Variants in TONSL observed in about 807,000 individuals in gnomAD.
The protein encoded by TONSL is tonsoku like, DNA repair protein.
Under a neutral mutation model 147.1 loss-of-function variants are expected in TONSL, and 112 were observed. That is an observed-to-expected ratio of 0.76 (90% CI 0.65 to 0.89). The LOEUF is 0.89. Among genes scored for constraint, TONSL ranks in the 40% least tolerant of loss-of-function variants. The pLI is 0.00. For missense variants in TONSL, 1,883 were observed against 1,864.6 expected (o/e 1.01, Z -0.18); for synonymous variants, 868 against 801.5 (o/e 1.08, Z -1.40).
rs35913924 is a variant in TONSL, at chr8:144,442,709, G to A, written c.546C>T (p.Asn182=). Residue 182 remains asparagine, a synonymous_variant, in exon 5 of 26, where the codon AAC becomes AAT. Transcript: ENST00000409379. ...GGAAGATGCTCTTCCTGAAGTAATC[G>A]TTGCACAGGGCTGTCTGCTGCAGGC... ...FESLQQTALC[N]DYFRKSIFLA... 3,654 of 1,612,944 alleles carry A rather than the reference G, an allele frequency of 2.3e-3. 71 individuals carry two copies. The African/African-American group carries it at 0.043, about 19-fold the overall frequency.
At chr8:144,430,598 A>T in intron 24 of TONSL, 61 bp from the exon 25 acceptor site, 1 of 1,538,394 alleles carries the variant, frequency 6.5e-7, no homozygotes, top group Non-Finnish European at 8.8e-7. Flanking sequence ...CCCCAACACT[A>T]GGAAAGCTGC....
At chr8:144,443,429 C>G (rs927519604) in intron 3 of TONSL, 108 bp from the exon 4 acceptor site, 16 of 1,144,134 alleles carry the variant, frequency 1.4e-5, no homozygotes, top group African/African-American at 3.1e-5. Context: ...CCTGCTCCCC[C>G]TAACCCCCAC....
rs570770510 is a variant in TONSL, at chr8:144,440,046, G to A, written c.1455C>T (p.Ala485=). ...AATAESEALE[A]GEVELSEGED... is the part of the protein sequence containing the mutation. ...CGCCCTCTGAGAGCTCCACCTCGCC[G>A]GCCTCCAGGGCTTCGCTCTCCGCTG... The change falls in exon 11 of 26, where the codon GCC becomes GCT. Residue 485 remains alanine (A), a synonymous_variant. Coordinates refer to ENST00000409379, the MANE Select transcript of TONSL (RefSeq NM_013432.5). 1.7e-5 allele frequency: 25 copies of A among 1,460,618 alleles called. No individual in the cohort carries two copies. The South Asian group carries it at 2.3e-4, about 13-fold the overall frequency. The allele number at this position is 1,460,618 out of a possible 1,614,324, so 90.5% of individuals were successfully genotyped here.
At position 144,442,416 on chromosome 8, in the gene TONSL, C is replaced by T. The variant is rs1823754427; in HGVS notation, c.579-4G>A. The T allele has an allele frequency of 1.3e-6, 2 of 1,534,872 alleles. No individual in the cohort carries two copies. Among genetic ancestry groups the T allele is most frequent in the East Asian group, 2.3e-5 (1 of 44,076 alleles). On this transcript the variant is annotated splice_region_variant and splice_polypyrimidine_tract_variant and intron_variant, in intron 5 of 25. Transcript: ENST00000409379. ...GTCCTCGTAAAGGTGGTTCTGCCTG[C>T]AGAGGGGTGACGACCACTGAGCACC...
chr8:144,442,595 G>A lies in TONSL; in HGVS notation c.578+82C>T, dbSNP rs576640588. The A allele has an allele frequency of 4.5e-6, 7 of 1,543,534 alleles. No individual in the cohort carries two copies. In the Admixed American group the frequency reaches 1.3e-4, roughly 28 times the overall value. On this transcript the variant is annotated intron_variant, in intron 5 of 25. Coordinates refer to ENST00000409379, the MANE Select transcript of TONSL (RefSeq NM_013432.5). ...CCCAGCCAGACTGCTCTCTCAGGAG[G>A]ACTCTGGGAAAAATACTCCCCTAAC...
In TONSL at chr8:144,438,739, G is replaced by T. The variant is rs1410037858; in HGVS notation, c.1481-4C>A. 1 of 1,612,792 alleles carries T rather than the reference G, an allele frequency of 6.2e-7. No homozygotes were observed. Among genetic ancestry groups the T allele is most frequent in the Non-Finnish European group, 8.5e-7 (1 of 1,179,810 alleles). On this transcript the variant is annotated splice_region_variant and splice_polypyrimidine_tract_variant and intron_variant, in intron 11 of 25. Transcript: ENST00000409379. The stretch of plus-strand genomic sequence containing the variant: ...GTCAGGCCATCGGTGTCGTCCTCTG[G>T]AACAGAGCCAAGCCCACCCCAGGGG...
rs527996244 is a variant in TONSL at position 144,429,056 on chromosome 8, T to C, written c.*87A>G. ...CGCCCGCCTGGGCCTCCCAAAGTGT[T>C]GGGATTACAGGCGTGAGCCACCGCG... is the stretch of plus-strand genomic sequence containing the variant. On this transcript the variant is annotated 3_prime_UTR_variant, in exon 26 of 26. Transcript: ENST00000409379. The C allele has an allele frequency of 2.1e-5, 29 of 1,389,602 alleles. No homozygotes were observed. In the East Asian group the frequency reaches 7.7e-4, roughly 37 times the overall value. 86.1% of individuals were successfully genotyped at this position (1,389,602 alleles called of 1,614,324 possible).
rs1823318265 is a variant in TONSL at position 144,433,737 on chromosome 8, C to G, written c.3410G>C (p.Ser1137Thr). Residue 1137 changes from serine (S) to threonine (T), a missense_variant, in exon 22 of 26, where the codon AGC (serine) becomes ACC (threonine). Transcript: ENST00000409379. ...TLQSLEELDL[S>T]MNPLGDGCGQ... ...ACAGCCGTCCCCCAGGGGGTTCATG[C>G]TTAAGTCCAGCTCCTCCAAACTCTG... The G allele has an allele frequency of 1.9e-6, 3 of 1,593,138 alleles. No homozygotes were observed. The highest frequency in any genetic ancestry group is 2.6e-6 in the Non-Finnish European group (3 of 1,170,674).
At position 144,442,332 on chromosome 8, in the gene TONSL, T is replaced by C. The variant is rs148735597; in HGVS notation, c.659A>G (p.Gln220Arg). 2.8e-5 allele frequency: 45 copies of C among 1,595,638 alleles called. No individual in the cohort carries two copies. Among genetic ancestry groups the C allele is most frequent in the Non-Finnish European group, 2.7e-5 (31 of 1,167,588 alleles). Residue 220 changes from glutamine (Q) to arginine (R), a missense_variant, in exon 6 of 26, where the codon CAG becomes CGG. Coordinates refer to ENST00000409379, the MANE Select transcript of TONSL (RefSeq NM_013432.5). ...GGCACCCTCCAAGCAGCGCATAGCC[T>C]GGGAGTGCTGGCCCGCGCGCCAGTG... ...TIHWRAGQHS[Q>R]AMRCLEGARE...
intron 22 of TONSL, 115 bp from the exon 23 acceptor site, chr8:144,432,575 C>T (rs12542502): frequency 0.5 from 542,168 of 1,082,964 alleles, 139,525 homozygotes; most frequent in Middle Eastern, 0.6. Flanking sequence ...GCAGTGCTCG[C>T]AGGGTGGGGT....
intron 10 of TONSL, 34 bp downstream of exon 10, chr8:144,440,317 G>T: frequency 6.4e-7 from 1 of 1,564,554 alleles, no homozygotes; most frequent in Non-Finnish European, 8.7e-7. Flanking sequence ...TGGGCTCACC[G>T]GGGAGCCAGT....
rs1586688043 is a variant in TONSL at position 144,436,109 on chromosome 8, C to T, written c.2324G>A (p.Gly775Asp). ...GGCTGCTTCCCTGTTGCTGGCGGGG[C>T]CAGGCGTCCAGGCTGCCACCCGTTG... ...TAQRVAAWTPGPASNREAATA... is the reference protein window; with the variant it reads ...TAQRVAAWTPDPASNREAATA... Residue 775 changes from glycine to aspartate, a missense_variant, in exon 17 of 26, where the codon GGC becomes GAC. Coordinates refer to ENST00000409379, the MANE Select transcript of TONSL (RefSeq NM_013432.5). 4 of 1,555,754 alleles carry T rather than the reference C, an allele frequency of 2.6e-6. No individual in the cohort carries two copies. The highest frequency in any genetic ancestry group is 3.5e-6 in the Non-Finnish European group (4 of 1,157,382).
At position 144,440,866 on chromosome 8, in the gene TONSL, C is replaced by T. The variant is rs199658960; in HGVS notation, c.1016G>A (p.Arg339His). The T allele has an allele frequency of 2.1e-5, 34 of 1,612,650 alleles. No individual in the cohort carries two copies. Among genetic ancestry groups the T allele is most frequent in the Middle Eastern group, 1.6e-4 (1 of 6,082 alleles). Residue 339 changes from arginine to histidine, a missense_variant, in exon 9 of 26, where the codon CGT becomes CAT. Physicochemically the swap from Arg to His is conservative, Grantham distance 29. Coordinates refer to ENST00000409379, the MANE Select transcript of TONSL (RefSeq NM_013432.5). ...RAAEAYQKQL[R>H]FAELLDRPGA... is the part of the protein sequence containing the mutation. ...CGGTCTGTCCAGCAGCTCAGCAAAA[C>T]GCAGCTGGGGGCAGTGCCAGTGAGG...
At position 144,435,868 on chromosome 8, in the gene TONSL, G is replaced by T. The variant is rs372686308; in HGVS notation, c.2565C>A (p.Asp855Glu). ...SRRPRPRGTG[D>E]NRRPSSTSGS... The stretch of plus-strand genomic sequence containing the variant: ...CAGAGGTACTACTGGGCCTGCGGTT[G>T]TCTCCAGTGCCCCGGGGGCGGGGCC... Residue 855 changes from aspartate to glutamate, a missense_variant, in exon 17 of 26, where the codon GAC (aspartate) becomes GAA (glutamate). Asp to Glu is a conservative substitution (Grantham distance 45, BLOSUM62 2). Transcript: ENST00000409379. 6.2e-7 allele frequency: 1 copy of T among 1,605,830 alleles called. No homozygotes were observed. The highest frequency in any genetic ancestry group is 1.1e-5 in the South Asian group (1 of 90,922).
chr8:144,443,743 G>A, intron 3 of TONSL, 139 bp downstream of exon 3: 4 of 1,227,718 alleles, frequency 3.3e-6, no homozygotes, highest in Non-Finnish European at 4.5e-6. Flanking sequence ...GACTGGCCCG[G>A]GGCGGTGAAG....
rs1185182968 is a variant in TONSL at position 144,438,454 on chromosome 8, C to T, written c.1653+17G>A. The T allele has an allele frequency of 1.2e-6, 2 of 1,610,842 alleles. No homozygotes were observed. Among genetic ancestry groups the T allele is most frequent in the Non-Finnish European group, 1.7e-6 (2 of 1,179,202 alleles). On this transcript the variant is annotated intron_variant, in intron 13 of 25. Coordinates refer to ENST00000409379, the MANE Select transcript of TONSL (RefSeq NM_013432.5). ...CCATGCTAGGCAGCCTGTCCCACGT[C>T]CCAGAGCGGGGCCCACCTGCCTCAC...
At chr8:144,441,179 G>A in intron 7 of TONSL, 68 bp from the exon 8 acceptor site, 5 of 1,582,440 alleles carry the variant, frequency 3.2e-6, no homozygotes, top group Non-Finnish European at 4.3e-6. Flanking sequence ...CCACCTGCAA[G>A]CTGTGAGCCC....
intron 13 of TONSL, among the ~76,000 whole-genome samples, chr8:144,437,911 CTT>C (rs1464972859): frequency 6.6e-6 from 1 of 152,090 alleles, no homozygotes; most frequent in Non-Finnish European, 1.5e-5. Context: ...CGGCCTGTGG[CTT>C]TTCTTCTGAG....
rs1823688568 is a variant in TONSL, at chr8:144,440,826, G to A, written c.1056C>T (p.Ala352=). ...TGGTGGCCAGGGACACGTGGATGAT[G>A]GCCCGCTCAGCACCCGGTCTGTCCA... is the stretch of plus-strand genomic sequence containing the variant. ...ELLDRPGAER[A]IIHVSLATTL... is the part of the protein sequence containing the mutation. The change falls in exon 9 of 26, where the codon GCC becomes GCT. Residue 352 remains alanine (A), a synonymous_variant. Coordinates refer to ENST00000409379, the MANE Select transcript of TONSL (RefSeq NM_013432.5). 1.2e-6 allele frequency: 2 copies of A among 1,612,916 alleles called. No homozygotes were observed. The highest frequency in any genetic ancestry group is 1.1e-5 in the South Asian group (1 of 91,080).
Sources: gnomAD v4.1 joint callset for allele counts (sites outside exome capture counted in the v4.1 genomes callset) on GRCh38, gnomAD v4.1.1 for gene constraint, MANE v1.5 for transcripts, NCBI Gene and HGNC (gene_info 2026-07-23, HGNC 2026-07-21) for gene names.